The following SLC4A10 variants were observed in gnomAD, a reference collection of about 807,000 sequenced individuals.
SLC4A10 encodes solute carrier family 4 member 10, also known as sodium-driven chloride bicarbonate exchanger.
SLC4A10 carries 42 observed loss-of-function variants against 137.7 expected under a neutral mutation model. That is an observed-to-expected ratio of 0.30 (90% confidence interval 0.24 to 0.39). SLC4A10 has a LOEUF of 0.39. SLC4A10 is among the 10% of genes least tolerant of loss of function. SLC4A10 has a pLI of 1.00. For missense variants in SLC4A10, 925 were observed against 1,355.0 expected, an observed-to-expected ratio of 0.68 and a Z score of 4.98; for synonymous variants, 474 against 464.1, an observed-to-expected ratio of 1.02 and a Z score of -0.27.
Position 161,816,225 on chromosome 2 carries a change from C to T in SLC4A10, c.277+11630C>T, listed in dbSNP as rs186643665. On this transcript the variant is annotated intron_variant, in intron 3 of 26. Coordinates refer to ENST00000446997, the MANE Select transcript of SLC4A10 (RefSeq NM_001178015.2). ...GCCTACTTAAGAAATAGTTATTTTA[C>T]GTGGAAGCATTCCAAAGAAAATATT... 6.4e-4 allele frequency among the ~76,000 whole-genome samples: 98 copies of T among 152,186 alleles called. 1 individual carries two copies. Among genetic ancestry groups the T allele is most frequent in the Middle Eastern group, 3.4e-3 (1 of 294 alleles).
chr2:161,821,672 A>G (rs955813095), intron 3 of SLC4A10, among the ~76,000 whole-genome samples: 5 of 152,216 alleles, frequency 3.3e-5, no homozygotes, highest in African/African-American at 1.2e-4. Flanking sequence ...TTTTGATAGT[A>G]CTGCAATTTA....
chr2:161,829,315 T>C (rs912753685), intron 3 of SLC4A10, among the ~76,000 whole-genome samples: 1 of 152,162 alleles, frequency 6.6e-6, no homozygotes, highest in African/African-American at 2.4e-5. Flanking sequence ...ATAGATACTA[T>C]CCTACAGTTA....
chr2:161,929,141 A>G (rs184800480), intron 15 of SLC4A10, among the ~76,000 whole-genome samples: 1 of 152,336 alleles, frequency 6.6e-6, no homozygotes, highest in Non-Finnish European at 1.5e-5. Flanking sequence ...TAGCAACCAA[A>G]AAAAAAGGAT....
At chr2:161,747,122 C>T (rs999851273) in intron 1 of SLC4A10, among the ~76,000 whole-genome samples, 1 of 152,086 alleles carries the variant, frequency 6.6e-6, no homozygotes, top group Non-Finnish European at 1.5e-5. Context: ...AGCACAGCAC[C>T]AGGACTTGCT....
At chr2:161,720,644 G>C (rs1342400087) in intron 1 of SLC4A10, among the ~76,000 whole-genome samples, 2 of 151,946 alleles carry the variant, frequency 1.3e-5, no homozygotes, top group African/African-American at 4.8e-5. Context: ...GCCCTTCTTT[G>C]TCTTTTTCGA....
intron 1 of SLC4A10, among the ~76,000 whole-genome samples, chr2:161,637,080 C>A (rs983517523): frequency 1.6e-5 from 2 of 122,922 alleles, no homozygotes; most frequent in Admixed American, 1.6e-4. Context: ...TACATAAATA[C>A]GTATATACAT....
At chr2:161,939,742 A>G (rs1692328354) in intron 15 of SLC4A10, among the ~76,000 whole-genome samples, 1 of 152,118 alleles carries the variant, frequency 6.6e-6, no homozygotes, top group South Asian at 2.1e-4. Flanking sequence ...AAATATAGAA[A>G]TCTATAAAAT....
chr2:161,660,026 A>G (rs2038080491), intron 1 of SLC4A10, among the ~76,000 whole-genome samples: 1 of 143,564 alleles, frequency 7.0e-6, no homozygotes, highest in South Asian at 2.5e-4. Flanking sequence ...GGGGAAGGAA[A>G]GTCACTGCTA....
intron 2 of SLC4A10, among the ~76,000 whole-genome samples, chr2:161,780,650 A>G (rs2052899787): frequency 6.6e-6 from 1 of 152,058 alleles, no homozygotes; most frequent in African/African-American, 2.4e-5. Context: ...CATATAAATC[A>G]ATGATTTTTT....
At chr2:161,823,290 T>C (rs926228476) in intron 3 of SLC4A10, among the ~76,000 whole-genome samples, 15 of 152,254 alleles carry the variant, frequency 9.9e-5, no homozygotes, top group African/African-American at 3.6e-4. Flanking sequence ...GCATACAGTT[T>C]ACTGTTGTAC....
intron 1 of SLC4A10, among the ~76,000 whole-genome samples, chr2:161,643,333 T>A (rs2035568308): frequency 6.6e-6 from 1 of 152,122 alleles, no homozygotes; most frequent in Non-Finnish European, 1.5e-5. Context: ...TGAAAAAGCA[T>A]TACTTTACTG....
chr2:161,821,278 G>A (rs139607946), intron 3 of SLC4A10, among the ~76,000 whole-genome samples: 1 of 152,200 alleles, frequency 6.6e-6, no homozygotes, highest in African/African-American at 2.4e-5. Flanking sequence ...TCTGCTAAGA[G>A]GCTGATACCT....
chr2:161,634,472 AC>A (rs1024127656), intron 1 of SLC4A10, among the ~76,000 whole-genome samples: 4 of 151,732 alleles, frequency 2.6e-5, no homozygotes, highest in Non-Finnish European at 5.9e-5. Context: ...TTCTCCTCAA[AC>A]TTTTGCACAT....
At chr2:161,799,098 TG>T (rs947962460) in intron 2 of SLC4A10, among the ~76,000 whole-genome samples, 1 of 151,546 alleles carries the variant, frequency 6.6e-6, no homozygotes, top group African/African-American at 2.4e-5. Flanking sequence ...CATATCTAAA[TG>T]GTTTTGTATT....
intron 1 of SLC4A10, among the ~76,000 whole-genome samples, chr2:161,748,612 G>T (rs2048635460): frequency 6.6e-6 from 1 of 151,942 alleles, no homozygotes. Flanking sequence ...CTTATTTCTG[G>T]ACTTTACACT....
At chr2:161,739,194 C>A (rs558867830) in intron 1 of SLC4A10, among the ~76,000 whole-genome samples, 1 of 152,238 alleles carries the variant, frequency 6.6e-6, no homozygotes, top group East Asian at 1.9e-4. Context: ...ATAAGAATTG[C>A]ATAGTCATAC....
chr2:161,627,940 G>A (rs2032767995), intron 1 of SLC4A10, among the ~76,000 whole-genome samples: 1 of 151,978 alleles, frequency 6.6e-6, no homozygotes, highest in South Asian at 2.1e-4. Flanking sequence ...ACTAGAAATA[G>A]GACTCGATTT....
intron 15 of SLC4A10, among the ~76,000 whole-genome samples, chr2:161,907,641 A>C (rs1684763965): frequency 6.6e-6 from 1 of 152,210 alleles, no homozygotes; most frequent in East Asian, 1.9e-4. Flanking sequence ...GGTTCAGAGA[A>C]GGCTTCCTGG....
intron 4 of SLC4A10, among the ~76,000 whole-genome samples, chr2:161,841,456 G>A (rs557172470): frequency 6.6e-6 from 1 of 152,240 alleles, no homozygotes; most frequent in Non-Finnish European, 1.5e-5. Context: ...TTTATCTTAA[G>A]CATATTTATT....
Sources: gnomAD v4.1 joint callset for allele counts (sites outside exome capture counted in the v4.1 genomes callset) on GRCh38, gnomAD v4.1.1 for gene constraint, MANE v1.5 for transcripts, NCBI Gene and HGNC (gene_info 2026-07-23, HGNC 2026-07-21) for gene names.